The following TTC28 variants were observed in gnomAD, a reference collection of about 807,000 sequenced individuals.
TTC28 encodes tetratricopeptide repeat domain 28.
In TTC28, 61 loss-of-function variants were observed where a neutral mutation model predicts 198.0. That is an observed-to-expected ratio of 0.31 (90% CI 0.25 to 0.38). The LOEUF (loss-of-function observed/expected upper bound fraction) is 0.38, where lower values mean the gene tolerates loss of function less well. TTC28 is among the 10% of genes least tolerant of loss of function. The pLI, the probability that TTC28 is intolerant of heterozygous loss-of-function variation, is 1.00. For missense variants in TTC28, 2,678 were observed against 3,164.0 expected (o/e 0.85, Z 3.69); for synonymous variants, 1,171 against 1,297.8 (o/e 0.90, Z 2.10).
intron 2 of TTC28, among the ~76,000 whole-genome samples, chr22:28,579,534 T>C (rs1224420351): frequency 6.7e-6 from 1 of 149,446 alleles, no homozygotes; most frequent in Non-Finnish European, 1.5e-5. Flanking sequence ...TATATAACTA[T>C]ATATTCATTT....
chr22:28,600,746 A>G (rs2050627203), intron 2 of TTC28, among the ~76,000 whole-genome samples: 1 of 152,222 alleles, frequency 6.6e-6, no homozygotes, highest in African/African-American at 2.4e-5. Flanking sequence ...GAGGGCGCAC[A>G]AGTCTGCAAA....
chr22:28,635,841 A>T (rs1364941082), intron 1 of TTC28, among the ~76,000 whole-genome samples: 1 of 152,138 alleles, frequency 6.6e-6, no homozygotes, highest in African/African-American at 2.4e-5. Flanking sequence ...CTACTCTCTT[A>T]GCAAATTTCA....
At chr22:28,534,717 G>A (rs2049225506) in intron 2 of TTC28, among the ~76,000 whole-genome samples, 1 of 152,200 alleles carries the variant, frequency 6.6e-6, no homozygotes, top group African/African-American at 2.4e-5. Context: ...TATACAGCAT[G>A]GAATGCTAGG....
chr22:28,030,256 C>T lies in TTC28; in HGVS notation c.4043G>A (p.Arg1348Gln), dbSNP rs372529386. ...NSVTDPTGFL[R>Q]MVRRNNLFNR... ...AAACAGGTTATTGCGGCGAACCATC[C>T]GCAGAAAGCCAGTGGGGTCAGTGAC... The change falls in exon 13 of 23, where the codon CGG becomes CAG. Residue 1348 changes from arginine to glutamine, a missense_variant. Physicochemically the swap from Arg to Gln is conservative, Grantham distance 43 (BLOSUM62 1). Coordinates refer to ENST00000397906, the MANE Select transcript of TTC28 (RefSeq NM_001145418.2). The T allele has an allele frequency of 7.7e-5, 119 of 1,551,760 alleles. No individual in the cohort carries two copies. In the African/African-American group the frequency reaches 1.0e-3, roughly 13 times the overall value.
At chr22:28,658,635 G>A (rs2051696367) in intron 1 of TTC28, among the ~76,000 whole-genome samples, 1 of 152,218 alleles carries the variant, frequency 6.6e-6, no homozygotes, top group Non-Finnish European at 1.5e-5. Flanking sequence ...CATCATGAAT[G>A]TATTTAATTC....
chr22:28,219,247 G>T (rs889288659), intron 5 of TTC28, among the ~76,000 whole-genome samples: 1 of 152,068 alleles, frequency 6.6e-6, no homozygotes, highest in African/African-American at 2.4e-5. Flanking sequence ...GGTGGCTCAC[G>T]CCTGTAATCC....
At chr22:28,233,133 T>C (rs555866911) in intron 5 of TTC28, among the ~76,000 whole-genome samples, 38 of 152,212 alleles carry the variant, frequency 2.5e-4, no homozygotes, top group African/African-American at 8.9e-4. Context: ...TAATTTTCAA[T>C]TGCTTTTCCC....
At chr22:28,015,275 G>A (rs945936851) in intron 13 of TTC28, among the ~76,000 whole-genome samples, 6 of 152,132 alleles carry the variant, frequency 3.9e-5, no homozygotes, top group Admixed American at 2.0e-4. Context: ...GGCTGCCCAC[G>A]TGCATCCTCT....
At chr22:28,482,141 T>C (rs868438230) in intron 2 of TTC28, among the ~76,000 whole-genome samples, 2 of 151,818 alleles carry the variant, frequency 1.3e-5, no homozygotes, top group African/African-American at 4.8e-5. Flanking sequence ...GCAGATACTC[T>C]AGTCTAATCA....
At chr22:28,350,752 A>G (rs1291042590) in intron 2 of TTC28, among the ~76,000 whole-genome samples, 1 of 152,270 alleles carries the variant, frequency 6.6e-6, no homozygotes, top group Non-Finnish European at 1.5e-5. Context: ...GTAGAAAAAC[A>G]GAAAATAACC....
intron 12 of TTC28, among the ~76,000 whole-genome samples, chr22:28,061,376 T>C (rs1258916916): frequency 6.6e-6 from 1 of 152,236 alleles, no homozygotes; most frequent in South Asian, 2.1e-4. Flanking sequence ...CTTTAATCCA[T>C]CTTGAATTAA....
intron 2 of TTC28, among the ~76,000 whole-genome samples, chr22:28,460,902 T>C (rs984682357): frequency 6.6e-6 from 1 of 152,156 alleles, no homozygotes; most frequent in Non-Finnish European, 1.5e-5. Flanking sequence ...CAGGCTGGTC[T>C]CAAACTCCTG....
At chr22:27,996,060 AG>A (rs1187874548) in intron 17 of TTC28, 74 bp downstream of exon 17, 12 of 1,496,602 alleles carry the variant, frequency 8.0e-6, no homozygotes, top group Admixed American at 4.1e-5. Context: ...ATCCCCGTGT[AG>A]GGAAACCCTT....
chr22:28,280,783 T>C (rs995574725), intron 5 of TTC28, among the ~76,000 whole-genome samples: 7 of 152,226 alleles, frequency 4.6e-5, no homozygotes, highest in Non-Finnish European at 7.3e-5. Context: ...CGCAGGTCTG[T>C]TGATAATTTT....
At chr22:28,058,137 C>T (rs909149497) in intron 12 of TTC28, among the ~76,000 whole-genome samples, 1 of 151,690 alleles carries the variant, frequency 6.6e-6, no homozygotes, top group Non-Finnish European at 1.5e-5. Context: ...TTTAGGCTTA[C>T]GGGCAATATG....
chr22:28,539,101 C>G (rs2049357702), intron 2 of TTC28, among the ~76,000 whole-genome samples: 1 of 152,110 alleles, frequency 6.6e-6, no homozygotes, highest in Admixed American at 6.5e-5. Context: ...TGCCTGAGGT[C>G]AAGTTCTGCA....
chr22:28,610,087 G>A (rs1373926550), intron 2 of TTC28, among the ~76,000 whole-genome samples: 1 of 152,222 alleles, frequency 6.6e-6, no homozygotes, highest in Non-Finnish European at 1.5e-5. Context: ...AGCAGCCCCA[G>A]TCAAGGGCTT....
At chr22:28,088,343 C>T (rs1436823726) in intron 12 of TTC28, among the ~76,000 whole-genome samples, 1 of 152,086 alleles carries the variant, frequency 6.6e-6, no homozygotes, top group African/African-American at 2.4e-5. Context: ...GAACAGAGCC[C>T]TCAGAAATAA....
chr22:28,076,975 T>C (rs1941189975), intron 12 of TTC28, among the ~76,000 whole-genome samples: 2 of 152,234 alleles, frequency 1.3e-5, no homozygotes, highest in Non-Finnish European at 1.5e-5. Context: ...AGTGTATTTT[T>C]ATTTTTGTCT....
Sources: allele counts gnomAD v4.1 joint callset (sites outside exome capture counted in the v4.1 genomes callset), GRCh38; gene constraint gnomAD v4.1.1; transcripts MANE v1.5; gene names NCBI Gene and HGNC (gene_info 2026-07-23, HGNC 2026-07-21).